Variants in GLDC observed in about 807,000 individuals in gnomAD.
GLDC encodes the protein glycine dehydrogenase (decarboxylating), mitochondrial.
A neutral mutation model predicts 121.3 loss-of-function variants in GLDC; 104 were observed. That is an observed-to-expected ratio of 0.86 (90% CI 0.73 to 1.01). GLDC has a LOEUF of 1.01. Among genes scored for constraint, GLDC ranks in the 50% least tolerant of loss-of-function variants. The pLI is 0.00. For missense variants in GLDC, 1,429 were observed against 1,306.6 expected, an observed-to-expected ratio of 1.09 and a Z score of -1.44; for synonymous variants, 546 against 480.6, an observed-to-expected ratio of 1.14 and a Z score of -1.78.
At chr9:6,620,384 T>C (rs893516551) in intron 2 of GLDC, 65 bp from the exon 3 acceptor site, 91 of 1,343,368 alleles carry the variant, frequency 6.8e-5, no homozygotes, top group Non-Finnish European at 9.1e-5. Flanking sequence ...AATTACAGTT[T>C]AAATCCCTCA....
chr9:6,621,995 T>C (rs1819105766), intron 2 of GLDC, among the ~76,000 whole-genome samples: 1 of 152,158 alleles, frequency 6.6e-6, no homozygotes, highest in Non-Finnish European at 1.5e-5. Context: ...TTATTTTATT[T>C]TTCCTCTATC....
chr9:6,576,180 G>A (rs1818060638), intron 15 of GLDC, among the ~76,000 whole-genome samples: 1 of 152,154 alleles, frequency 6.6e-6, no homozygotes, highest in Non-Finnish European at 1.5e-5. Context: ...AAAACTGGGT[G>A]GCTTATAAAC....
chr9:6,606,982 G>A (rs1001529288), intron 4 of GLDC, among the ~76,000 whole-genome samples: 2 of 151,976 alleles, frequency 1.3e-5, no homozygotes, highest in Non-Finnish European at 2.9e-5. Flanking sequence ...AGAATCACTT[G>A]AACCAGGGAG....
At chr9:6,601,080 G>A (rs914718454) in intron 8 of GLDC, among the ~76,000 whole-genome samples, 2 of 152,282 alleles carry the variant, frequency 1.3e-5, no homozygotes, top group Non-Finnish European at 2.9e-5. Context: ...GGCTGAGGCA[G>A]GAGAATTGCT....
chr9:6,640,865 A>G (rs1819616948), intron 2 of GLDC, among the ~76,000 whole-genome samples: 1 of 152,196 alleles, frequency 6.6e-6, no homozygotes, highest in South Asian at 2.1e-4. Context: ...GAAAATTCCA[A>G]AACTGCAAAG....
intron 15 of GLDC, among the ~76,000 whole-genome samples, chr9:6,581,795 G>A (rs906142463): frequency 1.3e-5 from 2 of 152,106 alleles, no homozygotes; most frequent in South Asian, 4.1e-4. Flanking sequence ...TGCTAGATAA[G>A]GTGCAAATCC....
intron 2 of GLDC, among the ~76,000 whole-genome samples, chr9:6,642,769 C>T (rs1252683123): frequency 1.3e-5 from 2 of 152,148 alleles, no homozygotes; most frequent in Non-Finnish European, 2.9e-5. Flanking sequence ...CCTAAACATT[C>T]CCTGACTTTG....
intron 2 of GLDC, among the ~76,000 whole-genome samples, chr9:6,626,274 G>A (rs546106185): frequency 2.0e-5 from 3 of 152,336 alleles, no homozygotes; most frequent in Non-Finnish European, 2.9e-5. Flanking sequence ...AAAGGAAGGA[G>A]AAGGCTAGGA....
intron 21 of GLDC, chr9:6,540,444 G>A (rs529905595): frequency 4.4e-4 from 178 of 400,690 alleles, no homozygotes; most frequent in African/African-American, 3.4e-3. Context: ...ATGACCGGAG[G>A]TGTCTGGGGA....
At chr9:6,619,003 C>G (rs543257766) in intron 3 of GLDC, among the ~76,000 whole-genome samples, 5 of 151,704 alleles carry the variant, frequency 3.3e-5, no homozygotes, top group Admixed American at 2.6e-4. Context: ...ATTACCCAGG[C>G]ACACTGGCAG....
At chr9:6,594,350 T>C (rs965210511) in intron 9 of GLDC, among the ~76,000 whole-genome samples, 3 of 152,108 alleles carry the variant, frequency 2.0e-5, no homozygotes, top group Non-Finnish European at 1.5e-5. Flanking sequence ...GTAAGAGTTC[T>C]ACATATTAAA....
intron 2 of GLDC, among the ~76,000 whole-genome samples, chr9:6,629,095 C>G (rs903199949): frequency 6.6e-6 from 1 of 151,766 alleles, no homozygotes; most frequent in Non-Finnish European, 1.5e-5. Flanking sequence ...TACATCATTC[C>G]ACATAAGAGC....
chr9:6,578,063 C>T (rs1007785927), intron 15 of GLDC, among the ~76,000 whole-genome samples: 40 of 151,846 alleles, frequency 2.6e-4, no homozygotes, highest in Admixed American at 1.9e-3. Context: ...TACAGAAACA[C>T]GCCACTGTGC....
Position 6,592,891 on chromosome 9 carries a change from G to A in GLDC, c.1361C>T (p.Ala454Val), listed in dbSNP as rs1587950980. ...CSVKEVLGRA[A>V]QRQINFRLFE... ...AAGCCGAAAATTGATCTGCCGCTGA[G>A]CGGCCCTGCCCAAGACCTCCTTCAC... Residue 454 changes from alanine to valine, a missense_variant, in exon 10 of 25, where the codon GCT becomes GTT. Ala to Val is a moderately conservative substitution (Grantham distance 64). Coordinates refer to ENST00000321612, the MANE Select transcript of GLDC (RefSeq NM_000170.3). 1.2e-6 allele frequency: 2 copies of A among 1,613,878 alleles called. No homozygotes were observed. Among genetic ancestry groups the A allele is most frequent in the Non-Finnish European group, 1.7e-6 (2 of 1,179,948 alleles).
At chr9:6,570,466 G>A (rs1008203453) in intron 15 of GLDC, among the ~76,000 whole-genome samples, 3 of 152,146 alleles carry the variant, frequency 2.0e-5, no homozygotes, top group East Asian at 3.9e-4. Flanking sequence ...GTTTGTGCAC[G>A]GATGGCCACC....
At chr9:6,637,756 T>C (rs1288124390) in intron 2 of GLDC, among the ~76,000 whole-genome samples, 2 of 152,168 alleles carry the variant, frequency 1.3e-5, no homozygotes, top group African/African-American at 4.8e-5. Flanking sequence ...CATGAGCCAC[T>C]GTGCCCAGCC....
Position 6,582,199 on chromosome 9 carries a change from A to G in GLDC, c.1850+4942T>C, listed in dbSNP as rs184871211. Reference sequence around the variant, plus strand: ...CACTGCACTCCAACTTGGGCGACAGAGCAAGACTTCGTCTCAAAAAAAAAA... The same window carrying G: ...CACTGCACTCCAACTTGGGCGACAGGGCAAGACTTCGTCTCAAAAAAAAAA... On this transcript the variant is annotated intron_variant, in intron 15 of 24. Transcript: ENST00000321612. Among the ~76,000 whole-genome samples, 64 of 117,204 alleles carry G rather than the reference A, an allele frequency of 5.5e-4. No homozygotes were observed. The East Asian group carries it at 0.018, about 32-fold the overall frequency. The allele number at this position is 117,204 out of a possible 152,430, so 76.9% of individuals were successfully genotyped here. A position where few individuals can be genotyped will look rare whatever the true frequency, so the allele number is the denominator to read the frequency against.
At chr9:6,629,957 A>ATATATATATTTTTT in intron 2 of GLDC, among the ~76,000 whole-genome samples, 12 of 83,038 alleles carry the variant, frequency 1.4e-4, no homozygotes, top group East Asian at 4.0e-4. Flanking sequence ...ATATATATAT[A>ATATATATATTTTTT]TTTTTTTTTT....
rs138066588 is a variant in GLDC, at chr9:6,596,166, G to A, written c.1156-1047C>T. 5.0e-3 allele frequency among the ~76,000 whole-genome samples: 762 copies of A among 152,226 alleles called. 8 individuals carry two copies. Among genetic ancestry groups the A allele is most frequent in the African/African-American group, 1.0e-2 (415 of 41,556 alleles). On this transcript the variant is annotated intron_variant, in intron 8 of 24. Transcript: ENST00000321612. ...TGACACACTGTGCCCAAATGCTCAT[G>A]GCTGTGTTGCTGGAAACAGAAACCC...
Sources: gnomAD v4.1 joint callset for allele counts (sites outside exome capture counted in the v4.1 genomes callset) on GRCh38, gnomAD v4.1.1 for gene constraint, MANE v1.5 for transcripts, NCBI Gene and HGNC (gene_info 2026-07-23, HGNC 2026-07-21) for gene names.